Variants in VKORC1L1 observed in about 807,000 individuals in gnomAD.
The protein encoded by VKORC1L1 is vitamin K epoxide reductase complex subunit 1-like protein 1.
Under a neutral mutation model 18.9 loss-of-function variants are expected in VKORC1L1, and 2 were observed. The ratio of observed to expected loss-of-function variants is 0.11; its 90% CI spans 0.04 to 0.33. The LOEUF (loss-of-function observed/expected upper bound fraction) is 0.33. Ranked by LOEUF, VKORC1L1 falls within the 10% of genes least tolerant of loss-of-function variation. VKORC1L1 has a pLI of 1.00. For synonymous variants in VKORC1L1, 96 were observed against 100.0 expected (o/e 0.96, Z 0.24); for missense variants, 123 against 224.1 (o/e 0.55, Z 2.88).
At chr7:65,895,481 ATATATATATATATAT>A (rs1296587647) in intron 1 of VKORC1L1, among the ~76,000 whole-genome samples, 16 of 23,590 alleles carry the variant, frequency 6.8e-4, no homozygotes, top group East Asian at 3.2e-3. Context: ...AAAAAAAAAA[ATATATATATATATAT>A]ATATATATAT....
intron 1 of VKORC1L1, among the ~76,000 whole-genome samples, chr7:65,917,980 A>G (rs1789615898): frequency 6.6e-6 from 1 of 152,214 alleles, no homozygotes; most frequent in Non-Finnish European, 1.5e-5. Context: ...ATAGGTTAGT[A>G]GTGACATCTA....
intron 1 of VKORC1L1, among the ~76,000 whole-genome samples, chr7:65,939,207 A>AC (rs767747798): frequency 1.3e-5 from 2 of 152,210 alleles, no homozygotes; most frequent in Non-Finnish European, 2.9e-5. Flanking sequence ...GACTCCGTGG[A>AC]TAAGATTGTC....
At chr7:65,944,663 T>C (rs1481526286) in intron 1 of VKORC1L1, among the ~76,000 whole-genome samples, 2 of 151,884 alleles carry the variant, frequency 1.3e-5, no homozygotes, top group Non-Finnish European at 2.9e-5. Context: ...ACACCTGTAA[T>C]CCCAGCATTT....
intron 1 of VKORC1L1, among the ~76,000 whole-genome samples, chr7:65,928,531 A>G (rs1789804741): frequency 6.6e-6 from 1 of 152,156 alleles, no homozygotes; most frequent in African/African-American, 2.4e-5. Flanking sequence ...CTTTGTTCAC[A>G]TGTATTTGAG....
intron 1 of VKORC1L1, among the ~76,000 whole-genome samples, chr7:65,888,315 C>T (rs1789048766): frequency 6.6e-6 from 1 of 152,130 alleles, no homozygotes; most frequent in Admixed American, 6.6e-5. Context: ...TTAACTAGGA[C>T]TTGGGCACCA....
rs4128574 is a variant in VKORC1L1 at position 65,899,369 on chromosome 7, G to C, written c.194+25804G>C. On this transcript the variant is annotated intron_variant, in intron 1 of 2. Transcript: ENST00000360768. ...CCAAGGGCATGGCTTCCTCTTTGCA[G>C]ATTGTCTCATATCTCTGACCTGGAA... is the stretch of plus-strand genomic sequence containing the variant. 6.1e-3 allele frequency among the ~76,000 whole-genome samples: 928 copies of C among 152,328 alleles called. 34 individuals carry two copies. Among genetic ancestry groups the C allele is most frequent in the Admixed American group, 0.056 (862 of 15,292 alleles).
At position 65,954,793 on chromosome 7, in the gene VKORC1L1, TAAATAAAGGTAG is replaced by T. The variant is rs1174303451; in HGVS notation, c.*499_*510del. On this transcript the variant is annotated 3_prime_UTR_variant, in exon 3 of 3. Coordinates refer to ENST00000360768, the MANE Select transcript of VKORC1L1 (RefSeq NM_173517.6). The stretch of plus-strand genomic sequence containing the variant: ...AACTAGAATCCATTTGTGATATTTG[TAAATAAAGGTAG>T]AAATATTAGATCCATTTCTGCAGAA... 1 of 162,562 alleles carries T rather than the reference TAAATAAAGGTAG, an allele frequency of 6.2e-6. No homozygotes were observed. Among genetic ancestry groups the T allele is most frequent in the Non-Finnish European group, 1.4e-5 (1 of 73,806 alleles). The allele number at this position is 162,562 out of a possible 1,614,324, so 10.1% of individuals were successfully genotyped here. A position where few individuals can be genotyped will look rare whatever the true frequency, so the allele number is the denominator to read the frequency against.
chr7:65,924,607 A>G (rs1308427848), intron 1 of VKORC1L1, among the ~76,000 whole-genome samples: 3 of 152,244 alleles, frequency 2.0e-5, no homozygotes, highest in East Asian at 3.8e-4. Context: ...AGATTTGGCC[A>G]TGAGTTGTAG....
At chr7:65,903,963 A>G (rs992368563) in intron 1 of VKORC1L1, among the ~76,000 whole-genome samples, 3 of 152,170 alleles carry the variant, frequency 2.0e-5, no homozygotes, top group African/African-American at 7.2e-5. Flanking sequence ...ATTCTCTTTA[A>G]AAGATGACTG....
chr7:65,888,265 C>T (rs760814095), intron 1 of VKORC1L1, among the ~76,000 whole-genome samples: 4 of 152,100 alleles, frequency 2.6e-5, no homozygotes, highest in Non-Finnish European at 5.9e-5. Flanking sequence ...TAAATATTTG[C>T]ACTGACAAAT....
At chr7:65,886,731 G>T (rs1199931955) in intron 1 of VKORC1L1, among the ~76,000 whole-genome samples, 11 of 150,520 alleles carry the variant, frequency 7.3e-5, no homozygotes, top group Non-Finnish European at 1.6e-4. Flanking sequence ...TAGAGACGGG[G>T]TTTCACCGTG....
intron 2 of VKORC1L1, among the ~76,000 whole-genome samples, chr7:65,951,257 G>C (rs965333880): frequency 1.3e-5 from 2 of 152,040 alleles, no homozygotes; most frequent in African/African-American, 4.8e-5. Flanking sequence ...TTTTTTCATA[G>C]GTAATCCATT....
chr7:65,924,358 C>T (rs541202221), intron 1 of VKORC1L1, among the ~76,000 whole-genome samples: 2 of 152,278 alleles, frequency 1.3e-5, no homozygotes, highest in South Asian at 2.1e-4. Flanking sequence ...TTAATCTGGA[C>T]GCTGACTTTT....
chr7:65,940,232 C>T (rs1398053666), intron 1 of VKORC1L1, among the ~76,000 whole-genome samples: 1 of 151,978 alleles, frequency 6.6e-6, no homozygotes, highest in African/African-American at 2.4e-5. Flanking sequence ...ACCATGTTGC[C>T]CAGGCTGGTC....
chr7:65,944,248 A>G (rs573178045), intron 1 of VKORC1L1, among the ~76,000 whole-genome samples: 1 of 152,128 alleles, frequency 6.6e-6, no homozygotes, highest in East Asian at 1.9e-4. Flanking sequence ...GGAGCCTGTA[A>G]TCCCAGCTAC....
chr7:65,872,979 T>G, upstream of VKORC1L1, among the ~76,000 whole-genome samples: 1 of 10,066 alleles, frequency 9.9e-5, no homozygotes, highest in South Asian at 1.7e-3. Context: ...TCCCCACCCC[T>G]GCCCCGCCCA....
At chr7:65,948,048 A>AG (rs954922482) in intron 1 of VKORC1L1, among the ~76,000 whole-genome samples, 1 of 152,312 alleles carries the variant, frequency 6.6e-6, no homozygotes, top group Non-Finnish European at 1.5e-5. Flanking sequence ...GAAATTTGTG[A>AG]AGAAACAACT....
intron 1 of VKORC1L1, among the ~76,000 whole-genome samples, chr7:65,941,613 GA>G (rs1403357852): frequency 1.3e-5 from 2 of 151,364 alleles, no homozygotes; most frequent in Non-Finnish European, 2.9e-5. Context: ...AGGGTAACTG[GA>G]AGAAGGGAAT....
At chr7:65,886,507 C>G (rs1406572939) in intron 1 of VKORC1L1, among the ~76,000 whole-genome samples, 1 of 151,876 alleles carries the variant, frequency 6.6e-6, no homozygotes, top group Non-Finnish European at 1.5e-5. Flanking sequence ...GAAGAAGGTG[C>G]CTTTTGAGAA....
Sources: gnomAD v4.1 joint callset for allele counts (sites outside exome capture counted in the v4.1 genomes callset) on GRCh38, gnomAD v4.1.1 for gene constraint, MANE v1.5 for transcripts, NCBI Gene and HGNC (gene_info 2026-07-23, HGNC 2026-07-21) for gene names.